Variants in XKR4 observed in about 807,000 individuals in gnomAD.
XKR4 encodes the protein XK-related protein 4.
A neutral mutation model predicts 53.9 loss-of-function variants in XKR4; 12 were observed. The observed-to-expected ratio is 0.22, with a 90% CI of 0.14 to 0.36. The LOEUF (loss-of-function observed/expected upper bound fraction) is 0.36, where lower values mean the gene tolerates loss of function less well. XKR4 is among the 10% of genes least tolerant of loss of function. The pLI is 1.00. For missense variants in XKR4, 799 were observed against 859.5 expected (o/e 0.93, Z 0.88); for synonymous variants, 354 against 362.4 (o/e 0.98, Z 0.26).
intron 2 of XKR4, among the ~76,000 whole-genome samples, chr8:55,431,334 TA>T (rs1337413902): frequency 6.6e-6 from 1 of 152,204 alleles, no homozygotes; most frequent in Non-Finnish European, 1.5e-5. Flanking sequence ...AAAACATCAT[TA>T]GGCTGTACAA....
intron 2 of XKR4, chr8:55,450,484 G>T (rs548693249): frequency 1.1e-5 from 7 of 617,722 alleles, no homozygotes; most frequent in South Asian, 9.8e-5. Context: ...CCTTCTCCTC[G>T]TACAGCAGCC....
In XKR4 at chr8:55,103,262, C is replaced by A. The variant is rs762545800; in HGVS notation, c.774C>A (p.Leu258=). Residue 258 remains leucine (L), a synonymous_variant, in exon 1 of 3, where the codon CTC becomes CTA. Coordinates refer to ENST00000327381, the MANE Select transcript of XKR4 (RefSeq NM_052898.2). ...TCTGCATCTGGCTCCTGCAGTCACT[C>A]ATCCACATCTTGCAGCTCGGGCAAA... ...CSFCIWLLQS[L]IHILQLGQIW... The A allele has an allele frequency of 1.2e-6, 2 of 1,611,100 alleles. No individual in the cohort carries two copies. The highest frequency in any genetic ancestry group is 1.7e-5 in the Admixed American group (1 of 59,858).
rs552156124 is a variant in XKR4 at position 55,525,339 on chromosome 8, C to G, written c.*1112C>G. On this transcript the variant is annotated 3_prime_UTR_variant, in exon 3 of 3. Coordinates refer to ENST00000327381, the MANE Select transcript of XKR4 (RefSeq NM_052898.2). The stretch of plus-strand genomic sequence containing the variant: ...AGCCCCCTAAAAGCAGGCGAGAGAA[C>G]GAGCAATCAAGTTCTCCACTGTGTA... The G allele has an allele frequency of 6.5e-6, 1 of 152,776 alleles. No individual in the cohort carries two copies. The highest frequency in any genetic ancestry group is 1.9e-4 in the East Asian group (1 of 5,186). 9.5% of individuals were successfully genotyped at this position (152,776 alleles called of 1,614,324 possible). A position where few individuals can be genotyped will look rare whatever the true frequency, so the allele number is the denominator to read the frequency against.
intron 1 of XKR4, among the ~76,000 whole-genome samples, chr8:55,206,588 AT>A (rs1458715578): frequency 9.2e-5 from 14 of 152,358 alleles, no homozygotes; most frequent in African/African-American, 3.1e-4. Context: ...ATGAAAAAAA[AT>A]AAACCTACAA....
At chr8:55,229,021 CAA>C (rs370193056) in intron 1 of XKR4, among the ~76,000 whole-genome samples, 1 of 151,006 alleles carries the variant, frequency 6.6e-6, no homozygotes, top group African/African-American at 2.5e-5. Flanking sequence ...CAAAACAAAA[CAA>C]AACAACAACA....
chr8:55,486,616 G>C (rs1806194903), intron 2 of XKR4, among the ~76,000 whole-genome samples: 1 of 152,204 alleles, frequency 6.6e-6, no homozygotes, highest in Non-Finnish European at 1.5e-5. Flanking sequence ...TGGCAGGAGA[G>C]ATTTCTTGTA....
intron 1 of XKR4, among the ~76,000 whole-genome samples, chr8:55,151,568 T>G (rs895986047): frequency 1.3e-5 from 2 of 152,176 alleles, no homozygotes; most frequent in African/African-American, 4.8e-5. Flanking sequence ...TATAGTAGAG[T>G]GTACTTAAGA....
intron 2 of XKR4, among the ~76,000 whole-genome samples, chr8:55,431,311 T>G (rs1805100666): frequency 1.3e-5 from 2 of 152,178 alleles, no homozygotes; most frequent in African/African-American, 4.8e-5. Flanking sequence ...TAGACATAAT[T>G]TATTTAATTC....
At chr8:55,198,823 T>A (rs1305340175) in intron 1 of XKR4, among the ~76,000 whole-genome samples, 1 of 152,160 alleles carries the variant, frequency 6.6e-6, no homozygotes, top group Non-Finnish European at 1.5e-5. Flanking sequence ...AGGACAAGCA[T>A]AACAAACACA....
At chr8:55,249,727 A>G (rs1381383085) in intron 1 of XKR4, among the ~76,000 whole-genome samples, 1 of 152,242 alleles carries the variant, frequency 6.6e-6, no homozygotes, top group African/African-American at 2.4e-5. Flanking sequence ...GTTTTCAATA[A>G]GCCAATGAGG....
At chr8:55,339,150 A>G (rs1325846394) in intron 1 of XKR4, among the ~76,000 whole-genome samples, 2 of 152,204 alleles carry the variant, frequency 1.3e-5, no homozygotes, top group African/African-American at 4.8e-5. Context: ...CCTGGACTGG[A>G]AACGCGAGGC....
chr8:55,289,364 A>T (rs1042011603), intron 1 of XKR4, among the ~76,000 whole-genome samples: 1 of 151,566 alleles, frequency 6.6e-6, no homozygotes, highest in African/African-American at 2.4e-5. Flanking sequence ...AAAATACAAA[A>T]ATTAGCTGGT....
intron 2 of XKR4, among the ~76,000 whole-genome samples, chr8:55,404,917 G>A (rs754541968): frequency 4.6e-5 from 7 of 152,316 alleles, no homozygotes; most frequent in Middle Eastern, 3.4e-3. Context: ...CTGACAAAGC[G>A]ACAAGCACGG....
chr8:55,342,326 A>G (rs1585529934), intron 1 of XKR4, among the ~76,000 whole-genome samples: 1 of 152,094 alleles, frequency 6.6e-6, no homozygotes, highest in Non-Finnish European at 1.5e-5. Context: ...GGTCCTAACA[A>G]CCATCATCAC....
chr8:55,384,485 T>G (rs1229195571), intron 2 of XKR4, among the ~76,000 whole-genome samples: 1 of 152,248 alleles, frequency 6.6e-6, no homozygotes, highest in Non-Finnish European at 1.5e-5. Flanking sequence ...CCATCTGAAC[T>G]GCTGAAATAT....
At chr8:55,486,045 A>C (rs1252310550) in intron 2 of XKR4, among the ~76,000 whole-genome samples, 1 of 152,250 alleles carries the variant, frequency 6.6e-6, no homozygotes, top group Non-Finnish European at 1.5e-5. Context: ...AAATAGATAC[A>C]TATAAATAAT....
At chr8:55,396,399 G>GGTTTTTTT (rs1804518794) in intron 2 of XKR4, among the ~76,000 whole-genome samples, 2 of 88,750 alleles carry the variant, frequency 2.3e-5, no homozygotes, top group African/African-American at 9.8e-5. Flanking sequence ...TTTTTGTTTG[G>GGTTTTTTT]TTTTTTTTTT....
At chr8:55,319,679 T>A (rs1016175992) in intron 1 of XKR4, among the ~76,000 whole-genome samples, 2 of 152,210 alleles carry the variant, frequency 1.3e-5, no homozygotes, top group East Asian at 3.8e-4. Flanking sequence ...TAAAATATAA[T>A]GCACATATTA....
At chr8:55,242,641 A>G (rs1431466077) in intron 1 of XKR4, among the ~76,000 whole-genome samples, 3 of 152,226 alleles carry the variant, frequency 2.0e-5, no homozygotes, top group African/African-American at 7.2e-5. Flanking sequence ...TAAAAAAATA[A>G]GCACTCAGAA....
Sources: allele counts gnomAD v4.1 joint callset (sites outside exome capture counted in the v4.1 genomes callset), GRCh38; gene constraint gnomAD v4.1.1; transcripts MANE v1.5; gene names NCBI Gene and HGNC (gene_info 2026-07-23, HGNC 2026-07-21).